The following ADGRL2 variants were observed in gnomAD, a reference collection of about 807,000 sequenced individuals.
ADGRL2 encodes adhesion G protein-coupled receptor L2.
ADGRL2 carries 44 observed loss-of-function variants against 157.4 expected under a neutral mutation model. The ratio of observed to expected loss-of-function variants is 0.28; its 90% CI spans 0.22 to 0.36. The LOEUF is 0.36. Among genes scored for constraint, ADGRL2 ranks in the 10% least tolerant of loss-of-function variants. ADGRL2 has a pLI of 1.00. For synonymous variants in ADGRL2, 585 were observed against 624.7 expected (o/e 0.94, Z 0.95); for missense variants, 1,510 against 1,768.9 (o/e 0.85, Z 2.63).
intron 2 of ADGRL2, among the ~76,000 whole-genome samples, chr1:81,480,870 A>G (rs116348127): frequency 4.1e-4 from 62 of 152,308 alleles, no homozygotes; most frequent in African/African-American, 1.5e-3. Context: ...AATAATTTAA[A>G]TATTACTTGT....
chr1:81,763,378 A>G, intron 2 of ADGRL2, among the ~76,000 whole-genome samples: 1 of 151,896 alleles, frequency 6.6e-6, no homozygotes, highest in East Asian at 1.9e-4. Flanking sequence ...TAAGGTCAGG[A>G]GTTTGTAACC....
rs182022313 is a variant in ADGRL2, at chr1:81,960,006, G to A, written c.2017+3946G>A. ...GTTAAGACGGGATTTCACCATGTTG[G>A]TCAGGCTGGTCTCACACTCCTGACC... On this transcript the variant is annotated intron_variant, in intron 11 of 23. Coordinates refer to ENST00000686636, the MANE Select transcript of ADGRL2 (RefSeq NM_001366006.2). Among the ~76,000 whole-genome samples, 28 of 152,138 alleles carry A rather than the reference G, an allele frequency of 1.8e-4. No homozygotes were observed. The East Asian group carries it at 5.2e-3, about 28-fold the overall frequency.
chr1:81,839,215 C>A (rs1573052), intron 2 of ADGRL2, among the ~76,000 whole-genome samples: 60,504 of 151,614 alleles, frequency 0.4, 12,576 homozygotes, highest in Middle Eastern at 0.6. Flanking sequence ...TTTTATACTT[C>A]TTTTTATACC....
intron 1 of ADGRL2, among the ~76,000 whole-genome samples, chr1:81,352,498 C>T (rs758899880): frequency 1.3e-5 from 2 of 152,130 alleles, no homozygotes; most frequent in East Asian, 3.9e-4. Context: ...TGTGCTAGTT[C>T]TGGGGGTTCT....
At chr1:81,751,592 T>G (rs140941950) in intron 1 of ADGRL2, among the ~76,000 whole-genome samples, 1 of 152,306 alleles carries the variant, frequency 6.6e-6, no homozygotes, top group East Asian at 1.9e-4. Context: ...ATAATTAAAT[T>G]TAATGCTTGA....
chr1:81,883,417 G>T (rs956889970), intron 2 of ADGRL2, among the ~76,000 whole-genome samples: 1 of 152,142 alleles, frequency 6.6e-6, no homozygotes, highest in Admixed American at 6.5e-5. Flanking sequence ...GGATAATGAA[G>T]CTTTGACTAT....
At chr1:81,640,431 G>A (rs191232183) in intron 3 of ADGRL2, among the ~76,000 whole-genome samples, 118 of 151,978 alleles carry the variant, frequency 7.8e-4, no homozygotes, top group African/African-American at 2.7e-3. Context: ...TCAGAAGATC[G>A]AGACCATCCT....
intron 1 of ADGRL2, among the ~76,000 whole-genome samples, chr1:81,804,113 CCTAA>C (rs1027899120): frequency 2.0e-5 from 3 of 152,128 alleles, no homozygotes; most frequent in Admixed American, 6.5e-5. Context: ...ACTGTTTTGA[CCTAA>C]CTAAGGGTAC....
chr1:81,652,494 A>C (rs1260518499), intron 3 of ADGRL2, among the ~76,000 whole-genome samples: 1 of 152,200 alleles, frequency 6.6e-6, no homozygotes, highest in African/African-American at 2.4e-5. Context: ...TAGAAATAAA[A>C]ATCCACTTGT....
chr1:81,510,298 A>G (rs1019712117), intron 2 of ADGRL2, among the ~76,000 whole-genome samples: 4 of 152,206 alleles, frequency 2.6e-5, no homozygotes, highest in Admixed American at 1.3e-4. Flanking sequence ...AGCAAATTTG[A>G]CAGGAACATG....
intron 3 of ADGRL2, among the ~76,000 whole-genome samples, chr1:81,932,882 A>G (rs2095254562): frequency 2.6e-5 from 4 of 152,024 alleles, no homozygotes; most frequent in Admixed American, 2.6e-4. Context: ...TTGTATTTTT[A>G]GTAGAGACGG....
chr1:81,470,825 A>T (rs1239697849), intron 2 of ADGRL2, among the ~76,000 whole-genome samples: 7 of 152,246 alleles, frequency 4.6e-5, no homozygotes. Flanking sequence ...TTAAAATGTC[A>T]CAAAGCAAGT....
chr1:81,344,501 A>AC (rs1662318476), intron 1 of ADGRL2, among the ~76,000 whole-genome samples: 2 of 151,758 alleles, frequency 1.3e-5, no homozygotes, highest in Non-Finnish European at 2.9e-5. Flanking sequence ...ACATGGAGAA[A>AC]CCCCATCTCT....
chr1:81,886,586 T>G (rs2151327125), intron 2 of ADGRL2, among the ~76,000 whole-genome samples: 1 of 152,352 alleles, frequency 6.6e-6, no homozygotes, highest in South Asian at 2.1e-4. Context: ...TAGGTAATTT[T>G]GTATTTTATG....
intron 1 of ADGRL2, among the ~76,000 whole-genome samples, chr1:81,735,525 C>T (rs921452170): frequency 6.6e-6 from 1 of 152,056 alleles, no homozygotes; most frequent in Non-Finnish European, 1.5e-5. Flanking sequence ...CATGGTGGCT[C>T]ATGCCTGTAA....
intron 2 of ADGRL2, among the ~76,000 whole-genome samples, chr1:81,498,552 G>A (rs1327742745): frequency 6.6e-6 from 1 of 152,144 alleles, no homozygotes; most frequent in Non-Finnish European, 1.5e-5. Context: ...CAAAGAGCCG[G>A]AACATCTGAG....
intron 1 of ADGRL2, among the ~76,000 whole-genome samples, chr1:81,341,054 G>A (rs78725152): frequency 0.014 from 2,124 of 152,016 alleles, 17 homozygotes; most frequent in Non-Finnish European, 0.022. Context: ...TAAGGTAATC[G>A]ACGGTTACAA....
chr1:81,847,165 G>C (rs1358055211), intron 2 of ADGRL2, among the ~76,000 whole-genome samples: 1 of 151,870 alleles, frequency 6.6e-6, no homozygotes. Context: ...AGGAAGAGAT[G>C]TGTACAGCCG....
chr1:81,671,324 A>G (rs1414653884), intron 3 of ADGRL2, among the ~76,000 whole-genome samples: 2 of 152,178 alleles, frequency 1.3e-5, no homozygotes, highest in Non-Finnish European at 2.9e-5. Flanking sequence ...GTACTGCCTT[A>G]GATAATGAGG....
Sources: allele counts gnomAD v4.1 joint callset (sites outside exome capture counted in the v4.1 genomes callset), GRCh38; gene constraint gnomAD v4.1.1; transcripts MANE v1.5; gene names NCBI Gene and HGNC (gene_info 2026-07-23, HGNC 2026-07-21).